The following COL23A1 variants were observed in gnomAD, a reference collection of about 807,000 sequenced individuals.
The protein encoded by COL23A1 is collagen alpha-1(XXIII) chain.
COL23A1 carries 97 observed loss-of-function variants against 99.3 expected under a neutral mutation model. That is an observed-to-expected ratio of 0.98 (90% CI 0.83 to 1.16). The LOEUF (loss-of-function observed/expected upper bound fraction) is 1.16. Ranked by LOEUF, COL23A1 falls within the 50% of genes most tolerant of loss-of-function variation. The probability of loss-of-function intolerance (pLI) is 0.00; values close to 1 mark genes in which losing one functional copy is unlikely to be tolerated. For missense variants in COL23A1, 762 were observed against 757.4 expected (o/e 1.01, Z -0.07); for synonymous variants, 320 against 308.2 (o/e 1.04, Z -0.40).
intron 2 of COL23A1, among the ~76,000 whole-genome samples, chr5:178,386,275 C>T (rs1763666981): frequency 6.6e-6 from 1 of 152,016 alleles, no homozygotes; most frequent in African/African-American, 2.4e-5. Flanking sequence ...CCCGTATCTA[C>T]TAAAATACAA....
chr5:178,409,802 A>G (rs1764970700), intron 2 of COL23A1, among the ~76,000 whole-genome samples: 1 of 152,260 alleles, frequency 6.6e-6, no homozygotes, highest in South Asian at 2.1e-4. Flanking sequence ...TCAGTGCTAA[A>G]GGATAGATTG....
At chr5:178,469,800 C>CGAAT (rs1479073996) in intron 2 of COL23A1, among the ~76,000 whole-genome samples, 4 of 152,076 alleles carry the variant, frequency 2.6e-5, no homozygotes, top group Non-Finnish European at 5.9e-5. Flanking sequence ...GTGGCCATTC[C>CGAAT]CCCTGAAAGT....
intron 2 of COL23A1, among the ~76,000 whole-genome samples, chr5:178,481,461 T>C (rs1035969423): frequency 6.6e-6 from 1 of 152,168 alleles, no homozygotes; most frequent in Non-Finnish European, 1.5e-5. Flanking sequence ...GCAAGTCATA[T>C]ATCTGATAAG....
chr5:178,425,371 G>A (rs1206669113), intron 2 of COL23A1, among the ~76,000 whole-genome samples: 3 of 151,740 alleles, frequency 2.0e-5, no homozygotes, highest in East Asian at 1.9e-4. Flanking sequence ...GCAGTGAGCC[G>A]AGATCGCGCC....
At chr5:178,547,850 T>C (rs866934296) in intron 2 of COL23A1, among the ~76,000 whole-genome samples, 1 of 3,644 alleles carries the variant, frequency 2.7e-4, no homozygotes, top group African/African-American at 1.4e-3. Flanking sequence ...CCCACCCACC[T>C]ACACACACCC....
At chr5:178,587,745 T>C (rs1764073181) in intron 1 of COL23A1, among the ~76,000 whole-genome samples, 1 of 152,238 alleles carries the variant, frequency 6.6e-6, no homozygotes, top group Non-Finnish European at 1.5e-5. Context: ...AATTACTCAC[T>C]CCCTGTATGT....
chr5:178,528,850 T>C (rs1760477667), intron 2 of COL23A1, among the ~76,000 whole-genome samples: 1 of 152,208 alleles, frequency 6.6e-6, no homozygotes, highest in Non-Finnish European at 1.5e-5. Flanking sequence ...CTTGCACTTC[T>C]CCCGAAATGA....
At chr5:178,414,524 C>T (rs936337752) in intron 2 of COL23A1, among the ~76,000 whole-genome samples, 1 of 152,092 alleles carries the variant, frequency 6.6e-6, no homozygotes, top group African/African-American at 2.4e-5. Flanking sequence ...GTGATCCCAG[C>T]ACTGTGGGAG....
intron 2 of COL23A1, chr5:178,344,795 T>C: frequency 1.8e-6 from 1 of 569,412 alleles, no homozygotes; most frequent in Non-Finnish European, 3.2e-6. Context: ...TTTCCAAATT[T>C]CTCTTTGTTA....
At chr5:178,499,759 T>C (rs967902930) in intron 2 of COL23A1, among the ~76,000 whole-genome samples, 13 of 152,250 alleles carry the variant, frequency 8.5e-5, no homozygotes, top group African/African-American at 3.1e-4. Flanking sequence ...AGAATGTTCC[T>C]AGCAGCCTTC....
chr5:178,264,155 C>A (rs190492164), intron 8 of COL23A1, among the ~76,000 whole-genome samples: 1 of 151,940 alleles, frequency 6.6e-6, no homozygotes, highest in Non-Finnish European at 1.5e-5. Flanking sequence ...AACACACAAA[C>A]GAGTGTGTGT....
chr5:178,559,333 G>A (rs1762436974), intron 2 of COL23A1, among the ~76,000 whole-genome samples: 1 of 152,212 alleles, frequency 6.6e-6, no homozygotes, highest in Non-Finnish European at 1.5e-5. Context: ...CTAATGGAAG[G>A]AATGAGAGAG....
At chr5:178,437,965 C>T (rs927477430) in intron 2 of COL23A1, among the ~76,000 whole-genome samples, 28 of 152,174 alleles carry the variant, frequency 1.8e-4, no homozygotes, top group African/African-American at 6.3e-4. Context: ...CCCTGACCAC[C>T]ACAGTGATTA....
chr5:178,255,962 G>T lies in COL23A1; in HGVS notation c.882+391C>A. 4.3e-6 allele frequency: 1 copy of T among 234,132 alleles called. No individual in the cohort carries two copies. The highest frequency in any genetic ancestry group is 9.0e-6 in the Non-Finnish European group (1 of 110,608). 14.5% of individuals were successfully genotyped at this position (234,132 alleles called of 1,614,324 possible). ...CAGGCTGGGGTGCTGTGCTCCTGGT[G>T]GCAGGGACAAACCTCCCTGTGGGGT... On this transcript the variant is annotated intron_variant, in intron 15 of 28. Coordinates refer to ENST00000390654, the MANE Select transcript of COL23A1 (RefSeq NM_173465.4). The surrounding 1 kb of genome is among the most constrained non-coding windows in gnomAD (Gnocchi z 4.2).
intron 5 of COL23A1, among the ~76,000 whole-genome samples, chr5:178,275,362 G>C (rs186359430): frequency 2.0e-5 from 3 of 152,310 alleles, no homozygotes; most frequent in Non-Finnish European, 2.9e-5. Flanking sequence ...GACCCTGGAC[G>C]GTGCCGCCAG....
At chr5:178,259,239 G>A (rs1340576749) in intron 12 of COL23A1, among the ~76,000 whole-genome samples, 3 of 152,060 alleles carry the variant, frequency 2.0e-5, no homozygotes, top group Non-Finnish European at 4.4e-5. Flanking sequence ...GGAGGGTTTT[G>A]CTGAGACCTG....
At chr5:178,518,431 G>C (rs544275149) in intron 2 of COL23A1, among the ~76,000 whole-genome samples, 8,059 of 150,726 alleles carry the variant, frequency 0.053, 222 homozygotes, top group Middle Eastern at 0.1. Flanking sequence ...CAGACGGGGT[G>C]GTGGCCGGGC....
At chr5:178,514,277 G>A (rs1360282464) in intron 2 of COL23A1, among the ~76,000 whole-genome samples, 1 of 152,192 alleles carries the variant, frequency 6.6e-6, no homozygotes, top group Non-Finnish European at 1.5e-5. Flanking sequence ...TCCATTGTCT[G>A]AATATCCTGT....
chr5:178,386,911 C>T (rs924659055), intron 2 of COL23A1, among the ~76,000 whole-genome samples: 2 of 152,138 alleles, frequency 1.3e-5, no homozygotes, highest in East Asian at 1.9e-4. Flanking sequence ...GTAACTTCCT[C>T]GGCCATTGCC....
Sources: gnomAD v4.1 joint callset for allele counts (sites outside exome capture counted in the v4.1 genomes callset) on GRCh38, gnomAD v4.1.1 for gene constraint, Gnocchi (gnomAD v3.1) non-coding constraint, MANE v1.5 for transcripts, NCBI Gene and HGNC (gene_info 2026-07-23, HGNC 2026-07-21) for gene names.